Variants in SWT1 observed in about 807,000 individuals in gnomAD.
SWT1 encodes SWT1 RNA endoribonuclease homolog.
In SWT1, 33 loss-of-function variants were observed where a neutral mutation model predicts 107.3. That is an observed-to-expected ratio of 0.31 (90% confidence interval 0.23 to 0.41). The LOEUF (loss-of-function observed/expected upper bound fraction) is 0.41, where lower values mean the gene tolerates loss of function less well. Among genes scored for constraint, SWT1 ranks in the 10% least tolerant of loss-of-function variants. The pLI, the probability that SWT1 is intolerant of heterozygous loss-of-function variation, is 1.00. For missense variants in SWT1, 898 were observed against 1,028.9 expected (o/e 0.87, Z 1.74); for synonymous variants, 345 against 348.3 (o/e 0.99, Z 0.11).
intron 5 of SWT1, among the ~76,000 whole-genome samples, chr1:185,175,805 T>C (rs1655497593): frequency 6.6e-6 from 1 of 152,210 alleles, no homozygotes; most frequent in East Asian, 1.9e-4. Context: ...AGTGTCACCG[T>C]GTACCAGGCA....
At chr1:185,287,096 A>G (rs1007780126) in intron 18 of SWT1, among the ~76,000 whole-genome samples, 4 of 152,228 alleles carry the variant, frequency 2.6e-5, no homozygotes, top group South Asian at 2.1e-4. Flanking sequence ...TGTAAAACAC[A>G]TATCCATTAT....
chr1:185,203,474 C>T (rs1006419448), intron 11 of SWT1, among the ~76,000 whole-genome samples: 16 of 151,718 alleles, frequency 1.1e-4, no homozygotes, highest in African/African-American at 3.4e-4. Context: ...CGAAAAAATT[C>T]GCCGGGCGTG....
At chr1:185,183,059 C>A (rs562997245) in intron 7 of SWT1, among the ~76,000 whole-genome samples, 9 of 151,624 alleles carry the variant, frequency 5.9e-5, no homozygotes, top group African/African-American at 2.2e-4. Context: ...ATGGCTTGAA[C>A]CTGGGAAGCA....
chr1:185,176,377 T>G (rs1318559197), intron 5 of SWT1, among the ~76,000 whole-genome samples: 1 of 149,510 alleles, frequency 6.7e-6, no homozygotes, highest in African/African-American at 2.5e-5. Flanking sequence ...CGAAGTTACT[T>G]AAGTGGAGGT....
intron 18 of SWT1, among the ~76,000 whole-genome samples, chr1:185,288,720 C>G (rs1290074692): frequency 6.6e-6 from 1 of 152,054 alleles, no homozygotes; most frequent in Non-Finnish European, 1.5e-5. Context: ...ATGTTGGGTG[C>G]TCTTTGTGAA....
At chr1:185,222,075 A>C in intron 15 of SWT1, 39 bp downstream of exon 15, 2 of 1,328,490 alleles carry the variant, frequency 1.5e-6, no homozygotes, top group Non-Finnish European at 2.0e-6. Flanking sequence ...GTTATTTTTT[A>C]AATTGACATT....
chr1:185,274,431 A>G (rs1478230450), intron 17 of SWT1, among the ~76,000 whole-genome samples: 3 of 151,502 alleles, frequency 2.0e-5, no homozygotes, highest in African/African-American at 4.8e-5. Flanking sequence ...AGCTGGGACT[A>G]CAGGCATGCA....
At chr1:185,221,534 G>T (rs1659657459) in intron 14 of SWT1, among the ~76,000 whole-genome samples, 1 of 151,886 alleles carries the variant, frequency 6.6e-6, no homozygotes, top group Non-Finnish European at 1.5e-5. Flanking sequence ...TCTATACTTT[G>T]TATTCTAGGG....
At chr1:185,289,407 G>A (rs1438773998) in intron 18 of SWT1, among the ~76,000 whole-genome samples, 1 of 152,180 alleles carries the variant, frequency 6.6e-6, no homozygotes, top group East Asian at 1.9e-4. Flanking sequence ...GAACAATCTA[G>A]TTCTACCTTA....
intron 1 of SWT1, 91 bp from the exon 2 acceptor site, chr1:185,160,742 A>G: frequency 1.1e-6 from 1 of 887,944 alleles, no homozygotes; most frequent in Non-Finnish European, 1.7e-6. Flanking sequence ...CATATTGTAA[A>G]ACTCCAATCT....
chr1:185,287,105 A>T (rs1235493440), intron 18 of SWT1, among the ~76,000 whole-genome samples: 1 of 152,234 alleles, frequency 6.6e-6, no homozygotes, highest in Non-Finnish European at 1.5e-5. Flanking sequence ...CATATCCATT[A>T]TAGACCTCAT....
intron 16 of SWT1, among the ~76,000 whole-genome samples, chr1:185,258,913 TTC>T (rs1662825077): frequency 6.6e-6 from 1 of 152,206 alleles, no homozygotes; most frequent in South Asian, 2.1e-4. Flanking sequence ...TTCTCCTTAG[TTC>T]TCTTATATGG....
intron 13 of SWT1, among the ~76,000 whole-genome samples, chr1:185,209,688 T>C (rs558966491): frequency 9.8e-5 from 15 of 152,312 alleles, no homozygotes; most frequent in Non-Finnish European, 1.0e-4. Context: ...TAAACATACA[T>C]GTGCATATGT....
At chr1:185,223,175 A>G (rs1381828975) in intron 15 of SWT1, among the ~76,000 whole-genome samples, 1 of 152,154 alleles carries the variant, frequency 6.6e-6, no homozygotes, top group Non-Finnish European at 1.5e-5. Flanking sequence ...CTAACAGTGT[A>G]TAAAGTGTTC....
At chr1:185,259,924 C>T (rs1662902778) in intron 16 of SWT1, among the ~76,000 whole-genome samples, 1 of 152,160 alleles carries the variant, frequency 6.6e-6, no homozygotes, top group African/African-American at 2.4e-5. Flanking sequence ...TTGATTAGAA[C>T]TGGATGGTCA....
intron 17 of SWT1, among the ~76,000 whole-genome samples, chr1:185,275,072 TAAAA>T (rs1252394961): frequency 2.0e-5 from 3 of 152,160 alleles, no homozygotes; most frequent in African/African-American, 7.2e-5. Context: ...TGTAGATACT[TAAAA>T]AAAGATCTAT....
intron 16 of SWT1, among the ~76,000 whole-genome samples, chr1:185,261,134 A>G (rs1342898912): frequency 5.3e-5 from 8 of 152,084 alleles, no homozygotes; most frequent in Admixed American, 5.2e-4. Context: ...AATTCTTTTC[A>G]TCTCGTAAAA....
intron 10 of SWT1, among the ~76,000 whole-genome samples, chr1:185,191,203 T>C (rs1040502132): frequency 6.6e-6 from 1 of 152,150 alleles, no homozygotes; most frequent in Admixed American, 6.6e-5. Context: ...GAATAGTGCC[T>C]AATATATAGT....
At chr1:185,230,019 C>T (rs1660394620) in intron 15 of SWT1, among the ~76,000 whole-genome samples, 1 of 152,046 alleles carries the variant, frequency 6.6e-6, no homozygotes, top group Admixed American at 6.5e-5. Flanking sequence ...GTGATGGTTA[C>T]ACAGCATTGT....
Sources: gnomAD v4.1 joint callset for allele counts (sites outside exome capture counted in the v4.1 genomes callset) on GRCh38, gnomAD v4.1.1 for gene constraint, MANE v1.5 for transcripts, NCBI Gene and HGNC (gene_info 2026-07-23, HGNC 2026-07-21) for gene names.